FAM120A: variants seen among roughly 807,000 people sequenced by gnomAD.
FAM120A encodes the protein family with sequence similarity 120 member A.
A neutral mutation model predicts 109.7 loss-of-function variants in FAM120A; 15 were observed. The observed-to-expected ratio is 0.14, with a 90% CI of 0.09 to 0.21. The LOEUF (loss-of-function observed/expected upper bound fraction) is 0.21, where lower values mean the gene tolerates loss of function less well. FAM120A is among the 10% of genes least tolerant of loss of function. The probability of loss-of-function intolerance (pLI) is 1.00; values close to 1 mark genes in which losing one functional copy is unlikely to be tolerated. For synonymous variants in FAM120A, 493 were observed against 572.8 expected (o/e 0.86, Z 1.99); for missense variants, 899 against 1,439.3 (o/e 0.62, Z 6.07).
intron 1 of FAM120A, among the ~76,000 whole-genome samples, chr9:93,469,942 A>G (rs1858235848): frequency 6.6e-6 from 1 of 152,236 alleles, no homozygotes; most frequent in Non-Finnish European, 1.5e-5. Context: ...GATGTCCAGT[A>G]GAATTTTCTG....
At chr9:93,461,951 A>G (rs771430757) in intron 1 of FAM120A, among the ~76,000 whole-genome samples, 1 of 152,242 alleles carries the variant, frequency 6.6e-6, no homozygotes, top group Non-Finnish European at 1.5e-5. Context: ...AACCTGTATT[A>G]TTGAATAACC....
chr9:93,489,201 C>G (rs6479490), intron 3 of FAM120A, among the ~76,000 whole-genome samples: 2 of 151,834 alleles, frequency 1.3e-5, no homozygotes, highest in Non-Finnish European at 2.9e-5. Context: ...AAGTGTGTAG[C>G]GTCCACTCAG....
intron 1 of FAM120A, among the ~76,000 whole-genome samples, chr9:93,458,043 C>G (rs1564303984): frequency 6.6e-6 from 1 of 152,114 alleles, no homozygotes; most frequent in Non-Finnish European, 1.5e-5. Context: ...TGACATCTCA[C>G]CATTTCCAAG....
intron 1 of FAM120A, among the ~76,000 whole-genome samples, chr9:93,457,335 G>A (rs1857593185): frequency 1.3e-5 from 2 of 151,870 alleles, no homozygotes; most frequent in Non-Finnish European, 2.9e-5. Flanking sequence ...CACAGTGGCT[G>A]TGTAGGCCAT....
chr9:93,547,967 G>A (rs1861948590), intron 11 of FAM120A, among the ~76,000 whole-genome samples: 1 of 152,134 alleles, frequency 6.6e-6, no homozygotes, highest in Admixed American at 6.5e-5. Context: ...GCCAGATGGA[G>A]GAAATAGCAG....
At chr9:93,476,440 T>C in intron 3 of FAM120A, 102 bp downstream of exon 3, 1 of 755,228 alleles carries the variant, frequency 1.3e-6, no homozygotes, top group Non-Finnish European at 2.2e-6. Context: ...TGCTACAAAG[T>C]TAGCAATACC....
chr9:93,502,099 A>G (rs942973615), intron 5 of FAM120A, among the ~76,000 whole-genome samples: 6 of 152,228 alleles, frequency 3.9e-5, no homozygotes, highest in Non-Finnish European at 8.8e-5. Flanking sequence ...GAATCCAACC[A>G]CAGTCCATTA....
At chr9:93,462,447 A>G (rs1374721275) in intron 1 of FAM120A, among the ~76,000 whole-genome samples, 3 of 152,080 alleles carry the variant, frequency 2.0e-5, no homozygotes, top group Admixed American at 2.0e-4. Flanking sequence ...ACACCCAGCT[A>G]ATTTTTGTAT....
chr9:93,525,892 G>A (rs868751093), intron 7 of FAM120A, among the ~76,000 whole-genome samples: 3 of 152,228 alleles, frequency 2.0e-5, no homozygotes, highest in Non-Finnish European at 2.9e-5. Context: ...TTTTCATGGC[G>A]TGCATGCAGT....
intron 5 of FAM120A, among the ~76,000 whole-genome samples, chr9:93,508,588 A>G (rs1207923089): frequency 6.6e-6 from 1 of 152,174 alleles, no homozygotes; most frequent in Non-Finnish European, 1.5e-5. Flanking sequence ...TCATGTTGTG[A>G]AAGTTACTTG....
intron 7 of FAM120A, among the ~76,000 whole-genome samples, chr9:93,526,151 AGT>A (rs767204467): frequency 6.9e-4 from 105 of 152,286 alleles, no homozygotes; most frequent in Non-Finnish European, 1.2e-3. Flanking sequence ...TCGAAGGGTG[AGT>A]GCACGGAGCA....
At chr9:93,464,729 A>G (rs1164169154) in intron 1 of FAM120A, among the ~76,000 whole-genome samples, 1 of 152,206 alleles carries the variant, frequency 6.6e-6, no homozygotes, top group Non-Finnish European at 1.5e-5. Flanking sequence ...AGTGGCTACT[A>G]GCCTGGGACT....
chr9:93,505,307 G>T (rs1408748390), intron 5 of FAM120A, among the ~76,000 whole-genome samples: 1 of 152,078 alleles, frequency 6.6e-6, no homozygotes, highest in East Asian at 1.9e-4. Flanking sequence ...TGATCCGCCC[G>T]CCTCGGCCTC....
intron 3 of FAM120A, among the ~76,000 whole-genome samples, chr9:93,488,950 T>C (rs1256376615): frequency 6.6e-6 from 1 of 151,558 alleles, no homozygotes; most frequent in Non-Finnish European, 1.5e-5. Context: ...TTCCCCTGTT[T>C]AGAATTTCTC....
At chr9:93,552,890 A>G (rs1862152516) in intron 12 of FAM120A, among the ~76,000 whole-genome samples, 9 of 152,106 alleles carry the variant, frequency 5.9e-5, no homozygotes, top group Admixed American at 5.9e-4. Flanking sequence ...TCTCCCATTT[A>G]TCGTCCACTC....
chr9:93,549,326 G>A (rs1218443167), intron 11 of FAM120A, among the ~76,000 whole-genome samples: 1 of 152,152 alleles, frequency 6.6e-6, no homozygotes, highest in Non-Finnish European at 1.5e-5. Context: ...CTGTGCTTCA[G>A]TTTCCCCTTC....
intron 5 of FAM120A, among the ~76,000 whole-genome samples, chr9:93,502,919 A>G (rs949035561): frequency 1.3e-5 from 2 of 152,252 alleles, no homozygotes; most frequent in African/African-American, 4.8e-5. Flanking sequence ...AAGTAACACA[A>G]CTAACACTGA....
chr9:93,458,482 C>A (rs888514255), intron 1 of FAM120A, among the ~76,000 whole-genome samples: 8 of 152,180 alleles, frequency 5.3e-5, no homozygotes, highest in African/African-American at 1.9e-4. Flanking sequence ...AATGACACAC[C>A]AGGCCAATTC....
At chr9:93,467,256 C>CA (rs1858081642) in intron 1 of FAM120A, among the ~76,000 whole-genome samples, 3 of 113,570 alleles carry the variant, frequency 2.6e-5, no homozygotes, top group Non-Finnish European at 4.1e-5. Context: ...ACCCCCCCCC[C>CA]CCTTTTCCCC....
Sources: gnomAD v4.1 joint callset for allele counts (sites outside exome capture counted in the v4.1 genomes callset) on GRCh38, gnomAD v4.1.1 for gene constraint, MANE v1.5 for transcripts, NCBI Gene and HGNC (gene_info 2026-07-23, HGNC 2026-07-21) for gene names.